The following MYCBP2 variants were observed in gnomAD, a reference collection of about 807,000 sequenced individuals.
The protein encoded by MYCBP2 is E3 ubiquitin-protein ligase MYCBP2.
In MYCBP2, 120 loss-of-function variants were observed where a neutral mutation model predicts 525.3. The observed-to-expected ratio is 0.23, with a 90% CI of 0.20 to 0.27. The LOEUF is 0.27. Ranked by LOEUF, MYCBP2 falls within the 10% of genes least tolerant of loss-of-function variation. The pLI is 1.00. For missense variants in MYCBP2, 4,149 were observed against 5,657.1 expected, an observed-to-expected ratio of 0.73 and a Z score of 8.55; for synonymous variants, 1,894 against 1,955.8, an observed-to-expected ratio of 0.97 and a Z score of 0.83.
chr13:77,192,046 AT>A (rs1412242269), intron 27 of MYCBP2, among the ~76,000 whole-genome samples: 2 of 152,234 alleles, frequency 1.3e-5, no homozygotes, highest in African/African-American at 4.8e-5. Flanking sequence ...ATTCTACAAT[AT>A]CCTTAAATGT....
At chr13:77,161,098 T>C (rs1306519060) in intron 44 of MYCBP2, among the ~76,000 whole-genome samples, 1 of 152,180 alleles carries the variant, frequency 6.6e-6, no homozygotes, top group Non-Finnish European at 1.5e-5. Flanking sequence ...TGGTATCCAA[T>C]GGGGCTCACT....
At position 77,304,165 on chromosome 13, in the gene MYCBP2, A is replaced by C. The variant is rs563637907; in HGVS notation, c.303-7491T>G. On this transcript the variant is annotated intron_variant, in intron 1 of 82. Coordinates refer to ENST00000544440, the MANE Select transcript of MYCBP2 (RefSeq NM_015057.5). ...GGAAAAAAATCCGTATGTTGAAAAG[A>C]TTCAGAACTCCCATGTTCACTGCTA... Among the ~76,000 whole-genome samples, 3 of 152,300 alleles carry C rather than the reference A, an allele frequency of 2.0e-5. No homozygotes were observed. The East Asian group carries it at 5.8e-4, about 29-fold the overall frequency.
At chr13:77,264,867 GCACACACA>G (rs139975510) in intron 8 of MYCBP2, among the ~76,000 whole-genome samples, 2 of 148,686 alleles carry the variant, frequency 1.3e-5, no homozygotes, top group South Asian at 4.2e-4. Flanking sequence ...CAAGTTAAAA[GCACACACA>G]CACACACACA....
Position 77,211,287 on chromosome 13 carries a change from G to T in MYCBP2, c.3296C>A (p.Pro1099Gln), listed in dbSNP as rs777423662. Residue 1099 changes from proline (P) to glutamine (Q), a missense_variant, in exon 23 of 83, where the codon CCA becomes CAA. Around this residue, in one of 21 missense-constraint regions of MYCBP2, gnomAD observed 620 missense variants for 795.5 expected, o/e 0.78. Coordinates refer to ENST00000544440, the MANE Select transcript of MYCBP2 (RefSeq NM_015057.5). ...TTTATTTATCAGAAGGCATTTAAATGGAGGAGGTTCTGATATAGAAGCAGG... is the reference window on the plus strand; with the variant it reads ...TTTATTTATCAGAAGGCATTTAAATTGAGGAGGTTCTGATATAGAAGCAGG... ...LVPASISEPPPFKCLLINKVD... is the reference protein window; with the variant it reads ...LVPASISEPPQFKCLLINKVD... 14 of 1,509,242 alleles carry T rather than the reference G, an allele frequency of 9.3e-6. No individual in the cohort carries two copies. In the South Asian group the frequency reaches 1.8e-4, roughly 20 times the overall value. The allele number at this position is 1,509,242 out of a possible 1,614,324, so 93.5% of individuals were successfully genotyped here.
chr13:77,174,631 T>C, intron 36 of MYCBP2, 142 bp from the exon 37 acceptor site: 1 of 646,210 alleles, frequency 1.5e-6, no homozygotes, highest in Non-Finnish European at 2.6e-6. Context: ...TTTTAATGAA[T>C]CAAACACGAT....
chr13:77,172,219 T>C (rs1452348859), intron 37 of MYCBP2, among the ~76,000 whole-genome samples: 1 of 151,990 alleles, frequency 6.6e-6, no homozygotes, highest in Non-Finnish European at 1.5e-5. Context: ...TTTTTTTTTT[T>C]TAAAGACCCA....
At chr13:77,068,408 T>TAAAAAAAAAAAAAAAAAAAAAAA (rs57296816) in intron 70 of MYCBP2, among the ~76,000 whole-genome samples, 157 bp downstream of exon 70, 6 of 146,052 alleles carry the variant, frequency 4.1e-5, no homozygotes, top group East Asian at 2.0e-4. Context: ...CTATAAACAG[T>TAAAAAAAAAAAAAAAAAAAAAAA]AAAAAAGGGA....
intron 21 of MYCBP2, among the ~76,000 whole-genome samples, chr13:77,214,778 A>C (rs2064568564): frequency 6.6e-6 from 1 of 152,188 alleles, no homozygotes; most frequent in Non-Finnish European, 1.5e-5. Context: ...TGGTGTACTG[A>C]ATACTGTAGG....
At position 77,059,116 on chromosome 13, in the gene MYCBP2, T is replaced by G. The variant is rs575641682; in HGVS notation, c.13140+407A>C. On this transcript the variant is annotated intron_variant, in intron 77 of 82. Transcript: ENST00000544440. ...CTCTCTGAGCATATCCACATTCTTA[T>G]TAATTGAGAAACCAAAAACATTTGG... 2.6e-5 allele frequency among the ~76,000 whole-genome samples: 4 copies of G among 151,828 alleles called. No homozygotes were observed. In the East Asian group the frequency reaches 5.8e-4, roughly 22 times the overall value.
At chr13:77,234,000 A>G (rs1442093025) in intron 17 of MYCBP2, among the ~76,000 whole-genome samples, 1 of 151,986 alleles carries the variant, frequency 6.6e-6, no homozygotes, top group South Asian at 2.1e-4. Context: ...GCCACTATGT[A>G]CATATATATA....
At chr13:77,083,708 C>A (rs540353969) in intron 62 of MYCBP2, among the ~76,000 whole-genome samples, 2 of 152,070 alleles carry the variant, frequency 1.3e-5, no homozygotes, top group Non-Finnish European at 2.9e-5. Context: ...TTTCATTTCT[C>A]ATTACAACCC....
chr13:77,312,090 G>A (rs1158009142), intron 1 of MYCBP2, among the ~76,000 whole-genome samples: 1 of 152,036 alleles, frequency 6.6e-6, no homozygotes, highest in Admixed American at 6.5e-5. Flanking sequence ...CAGCTAAATG[G>A]CATCATTGAG....
chr13:77,298,738 G>A (rs1464583359), intron 1 of MYCBP2, among the ~76,000 whole-genome samples: 1 of 152,152 alleles, frequency 6.6e-6, no homozygotes, highest in Non-Finnish European at 1.5e-5. Context: ...TACAAAGGAG[G>A]TCATGGAAAC....
intron 46 of MYCBP2, among the ~76,000 whole-genome samples, chr13:77,152,824 T>G (rs538880971): frequency 1.6e-3 from 238 of 152,124 alleles, no homozygotes; most frequent in African/African-American, 5.4e-3. Flanking sequence ...CCAGCACTTT[T>G]GGAGTCTGAG....
At chr13:77,086,562 A>G (rs2044316610) in intron 62 of MYCBP2, among the ~76,000 whole-genome samples, 1 of 151,998 alleles carries the variant, frequency 6.6e-6, no homozygotes, top group African/African-American at 2.4e-5. Context: ...CTCCTTCTGA[A>G]ACTCCAAGTA....
intron 2 of MYCBP2, among the ~76,000 whole-genome samples, chr13:77,296,196 G>A (rs972713791): frequency 1.3e-5 from 2 of 152,062 alleles, no homozygotes; most frequent in African/African-American, 4.8e-5. Context: ...GAGGTGAGAG[G>A]ATTGCTTGAG....
intron 69 of MYCBP2, 103 bp from the exon 70 acceptor site, chr13:77,068,934 A>AG: frequency 1.7e-5 from 19 of 1,151,172 alleles, no homozygotes; most frequent in Non-Finnish European, 2.4e-5. Context: ...ATGTAAATTG[A>AG]TACTCAATTT....
intron 67 of MYCBP2, 107 bp from the exon 68 acceptor site, chr13:77,076,956 C>A (rs929483783): frequency 1.8e-6 from 2 of 1,098,876 alleles, no homozygotes; most frequent in African/African-American, 1.6e-5. Context: ...GCTACTCTTG[C>A]TAATATACAC....
intron 1 of MYCBP2, among the ~76,000 whole-genome samples, chr13:77,314,465 C>CA (rs1567234841): frequency 1.3e-5 from 2 of 151,820 alleles, no homozygotes; most frequent in African/African-American, 2.4e-5. Context: ...GTCTCATACA[C>CA]AAAAAAAGAA....
Sources: gnomAD v4.1 joint callset for allele counts (sites outside exome capture counted in the v4.1 genomes callset) on GRCh38, gnomAD v4.1.1 for gene constraint, gnomAD v4.1.1 regional missense constraint, MANE v1.5 for transcripts, NCBI Gene and HGNC (gene_info 2026-07-23, HGNC 2026-07-21) for gene names.